Variants in SPATA13 observed in about 807,000 individuals in gnomAD.
SPATA13 encodes the protein spermatogenesis-associated protein 13.
In SPATA13, 50 loss-of-function variants were observed where a neutral mutation model predicts 104.0. The observed-to-expected ratio is 0.48, with a 90% CI of 0.38 to 0.61. The LOEUF is 0.61. Among genes scored for constraint, SPATA13 ranks in the 20% least tolerant of loss-of-function variants. The probability of loss-of-function intolerance (pLI) is 0.00; values close to 1 mark genes in which losing one functional copy is unlikely to be tolerated. For missense variants in SPATA13, 1,524 were observed against 1,690.6 expected (o/e 0.90, Z 1.73); for synonymous variants, 606 against 667.5 (o/e 0.91, Z 1.42).
At chr13:24,191,972 A>G (rs1181649746) in intron 1 of SPATA13, among the ~76,000 whole-genome samples, 1 of 152,160 alleles carries the variant, frequency 6.6e-6, no homozygotes, top group Non-Finnish European at 1.5e-5. Context: ...CAGGATTATT[A>G]CAGGGCGAAA....
At chr13:24,245,584 C>CTTTTTT (rs61316306) in intron 2 of SPATA13, among the ~76,000 whole-genome samples, 41 of 88,622 alleles carry the variant, frequency 4.6e-4, no homozygotes, top group South Asian at 9.0e-4. Context: ...ACAGTTGTTT[C>CTTTTTT]TTTTTTTTTT....
intron 3 of SPATA13, among the ~76,000 whole-genome samples, chr13:24,144,529 G>A (rs1407698893): frequency 2.6e-5 from 4 of 152,158 alleles, no homozygotes; most frequent in East Asian, 1.9e-4. Flanking sequence ...GTCGCACAGC[G>A]TACACAATGC....
In SPATA13 at chr13:24,222,832, A is replaced by G; in HGVS notation, c.-98A>G. On this transcript the variant is annotated 5_prime_UTR_variant, in exon 2 of 13. Coordinates refer to ENST00000382108, the MANE Select transcript of SPATA13 (RefSeq NM_001166271.3). Reference sequence around the variant, plus strand: ...CTTTCACTGCAGCCCGTGGCCACCCAGGAGCCCGATGTGCAAGGCAGGTGT... The same window carrying G: ...CTTTCACTGCAGCCCGTGGCCACCCGGGAGCCCGATGTGCAAGGCAGGTGT... The G allele has an allele frequency of 6.6e-7, 1 of 1,521,818 alleles. No homozygotes were observed. The highest frequency in any genetic ancestry group is 8.9e-7 in the Non-Finnish European group (1 of 1,128,914). The allele number at this position is 1,521,818 out of a possible 1,614,324, so 94.3% of individuals were successfully genotyped here. A position where few individuals can be genotyped will look rare whatever the true frequency, so the allele number is the denominator to read the frequency against.
At chr13:24,285,070 T>C (rs895757782) in intron 5 of SPATA13, among the ~76,000 whole-genome samples, 1 of 152,114 alleles carries the variant, frequency 6.6e-6, no homozygotes, top group African/African-American at 2.4e-5. Context: ...GAGCAGAACG[T>C]GTGGAGCATA....
rs537855570 is a variant in SPATA13, at chr13:24,248,195, C to T, written c.1654-1282C>T. On this transcript the variant is annotated intron_variant, in intron 2 of 12. Coordinates refer to ENST00000382108, the MANE Select transcript of SPATA13 (RefSeq NM_001166271.3). ...GGGTCTGCTCAGACAACTGCTCTCT[C>T]ATCAGGCCTGATCCCTGGGAATGGT... Among the ~76,000 whole-genome samples, 18 of 152,362 alleles carry T rather than the reference C, an allele frequency of 1.2e-4. No homozygotes were observed. In the South Asian group the frequency reaches 2.7e-3, roughly 23 times the overall value.
intron 3 of SPATA13, chr13:24,034,790 T>A (rs544625657): frequency 6.6e-6 from 1 of 152,394 alleles, no homozygotes; most frequent in East Asian, 1.9e-4. Flanking sequence ...GGCAGAGTCC[T>A]AGGAGTGATT....
intron 3 of SPATA13, among the ~76,000 whole-genome samples, chr13:24,105,461 A>G (rs566079583): frequency 8.2e-6 from 1 of 121,936 alleles, no homozygotes; most frequent in South Asian, 2.5e-4. Flanking sequence ...TTTTTTTGAC[A>G]TATCAATTTC....
Position 24,256,649 on chromosome 13 carries a change from T to C in SPATA13, c.2164+4787T>C, listed in dbSNP as rs576892128. On this transcript the variant is annotated intron_variant, in intron 4 of 12. Coordinates refer to ENST00000382108, the MANE Select transcript of SPATA13 (RefSeq NM_001166271.3). ...CCGAGAACTTGGCAGCGCCGTGCTG[T>C]GCTCTTCCTTTCTCTCACCACTTTT... Among the ~76,000 whole-genome samples, 3 of 152,316 alleles carry C rather than the reference T, an allele frequency of 2.0e-5. No individual in the cohort carries two copies. In the South Asian group the frequency reaches 6.2e-4, roughly 32 times the overall value.
Position 24,222,840 on chromosome 13 carries a change from G to A in SPATA13, c.-90G>A, listed in dbSNP as rs750425244. The A allele has an allele frequency of 8.5e-6, 13 of 1,524,580 alleles. No homozygotes were observed. Among genetic ancestry groups the A allele is most frequent in the East Asian group, 5.0e-5 (2 of 40,374 alleles). The allele number at this position is 1,524,580 out of a possible 1,614,324, so 94.4% of individuals were successfully genotyped here. A position where few individuals can be genotyped will look rare whatever the true frequency, so the allele number is the denominator to read the frequency against. Reference sequence around the variant, plus strand: ...GCAGCCCGTGGCCACCCAGGAGCCCGATGTGCAAGGCAGGTGTGAGTGCCA... The same window carrying A: ...GCAGCCCGTGGCCACCCAGGAGCCCAATGTGCAAGGCAGGTGTGAGTGCCA... On this transcript the variant is annotated 5_prime_UTR_variant, in exon 2 of 13. Transcript: ENST00000382108.
At chr13:24,040,584 C>T (rs1358892741) in intron 3 of SPATA13, among the ~76,000 whole-genome samples, 6 of 151,940 alleles carry the variant, frequency 3.9e-5, no homozygotes, top group Admixed American at 1.3e-4. Context: ...CTTGGGGTCC[C>T]GGGGAGACAC....
chr13:24,281,507 G>A (rs1032602741), intron 4 of SPATA13, among the ~76,000 whole-genome samples: 9 of 152,344 alleles, frequency 5.9e-5, no homozygotes, highest in Admixed American at 5.2e-4. Context: ...GTGGTTTCAC[G>A]GCTGGGGCAC....
chr13:24,000,491 G>T (rs1358742167), intron 2 of SPATA13, among the ~76,000 whole-genome samples: 11 of 152,118 alleles, frequency 7.2e-5, no homozygotes, highest in Non-Finnish European at 2.9e-5. Context: ...AGGGCAGATA[G>T]AGCCCTTGCC....
At position 24,125,275 on chromosome 13, in the gene SPATA13, G is replaced by A. The variant is rs567291541; in HGVS notation, c.-111-97544G>A. 8.8e-4 allele frequency among the ~76,000 whole-genome samples: 134 copies of A among 152,296 alleles called. No homozygotes were observed. The South Asian group carries it at 0.012, about 14-fold the overall frequency. On this transcript the variant is annotated intron_variant, in intron 3 of 14. Coordinates refer to the SPATA13 transcript ENST00000424834. Reference sequence around the variant, plus strand: ...GCCTGGGAGTTGCATCTCCTAACACGGCGGGAGAGGGAGGAGCCCCTTGAC... The same window carrying A: ...GCCTGGGAGTTGCATCTCCTAACACAGCGGGAGAGGGAGGAGCCCCTTGAC...
intron 3 of SPATA13, among the ~76,000 whole-genome samples, chr13:24,028,313 A>G (rs1360257379): frequency 6.6e-6 from 1 of 152,204 alleles, no homozygotes; most frequent in Non-Finnish European, 1.5e-5. Context: ...TCTTGTTGGT[A>G]TACTGCTCCC....
chr13:24,268,592 C>G (rs1874400871), intron 4 of SPATA13, among the ~76,000 whole-genome samples: 1 of 152,142 alleles, frequency 6.6e-6, no homozygotes, highest in East Asian at 1.9e-4. Flanking sequence ...AACCTCATCT[C>G]TACTACAAAT....
chr13:24,159,282 A>C (rs1421774302), upstream of SPATA13, among the ~76,000 whole-genome samples: 1 of 152,132 alleles, frequency 6.6e-6, no homozygotes, highest in African/African-American at 2.4e-5. Context: ...TGGTTTTTAT[A>C]TTTTTTCAGC....
chr13:24,128,098 C>T (rs1159638934), intron 3 of SPATA13, among the ~76,000 whole-genome samples: 1 of 152,180 alleles, frequency 6.6e-6, no homozygotes, highest in East Asian at 1.9e-4. Flanking sequence ...TGGACTGAGC[C>T]TCTGACATAT....
intron 11 of SPATA13, among the ~76,000 whole-genome samples, chr13:24,299,998 C>T (rs117784668): frequency 9.8e-5 from 15 of 152,328 alleles, no homozygotes; most frequent in South Asian, 2.1e-4. Context: ...GAACTGCTAA[C>T]GTGCAAAGCT....
intron 2 of SPATA13, among the ~76,000 whole-genome samples, chr13:23,997,526 T>G (rs539591741): frequency 7.2e-6 from 1 of 139,072 alleles, no homozygotes; most frequent in African/African-American, 2.8e-5. Flanking sequence ...TTTTCATTGC[T>G]TAGTAGTTAT....
Sources: allele counts gnomAD v4.1 joint callset (sites outside exome capture counted in the v4.1 genomes callset), GRCh38; gene constraint gnomAD v4.1.1; transcripts MANE v1.5; gene names NCBI Gene and HGNC (gene_info 2026-07-23, HGNC 2026-07-21).